The following FBXL2 variants were observed in gnomAD, a reference collection of about 807,000 sequenced individuals.
FBXL2 encodes F-box and leucine rich repeat protein 2, also known as F-box/LRR-repeat protein 2.
In FBXL2, 38 loss-of-function variants were observed where a neutral mutation model predicts 69.2. The observed-to-expected ratio is 0.55, with a 90% confidence interval of 0.42 to 0.72. FBXL2 has a LOEUF of 0.72. Among genes scored for constraint, FBXL2 ranks in the 30% least tolerant of loss-of-function variants. The probability of loss-of-function intolerance (pLI) is 0.00; values close to 1 mark genes in which losing one functional copy is unlikely to be tolerated. For synonymous variants in FBXL2, 192 were observed against 201.3 expected (o/e 0.95, Z 0.39); for missense variants, 354 against 520.3 (o/e 0.68, Z 3.11).
chr3:33,283,700 C>T (rs1344423391), intron 1 of FBXL2, among the ~76,000 whole-genome samples: 1 of 152,044 alleles, frequency 6.6e-6, no homozygotes, highest in African/African-American at 2.4e-5. Flanking sequence ...GGTTGGTAGG[C>T]TATTAATTAT....
At chr3:33,358,569 C>T (rs1442320520) in intron 2 of FBXL2, among the ~76,000 whole-genome samples, 5 of 152,288 alleles carry the variant, frequency 3.3e-5, no homozygotes, top group Non-Finnish European at 7.4e-5. Flanking sequence ...ACCAAATGGG[C>T]TTTGTCATCA....
chr3:33,336,544 T>C (rs1187554949), intron 2 of FBXL2, among the ~76,000 whole-genome samples: 2 of 152,188 alleles, frequency 1.3e-5, no homozygotes, highest in Non-Finnish European at 2.9e-5. Context: ...TTCGTCAACA[T>C]GACATACTGT....
At chr3:33,379,704 A>AC (rs2042900406) in intron 13 of FBXL2, among the ~76,000 whole-genome samples, 1 of 152,048 alleles carries the variant, frequency 6.6e-6, no homozygotes, top group Non-Finnish European at 1.5e-5. Flanking sequence ...AAAACAAAAA[A>AC]AAACACTACA....
At chr3:33,321,699 T>G (rs1040639706) in intron 2 of FBXL2, among the ~76,000 whole-genome samples, 1 of 152,196 alleles carries the variant, frequency 6.6e-6, no homozygotes, top group African/African-American at 2.4e-5. Context: ...CTATTGCATA[T>G]CTAGGCTGTA....
At chr3:33,400,441 T>G (rs2044180501) in intron 12 of FBXL2, among the ~76,000 whole-genome samples, 1 of 152,060 alleles carries the variant, frequency 6.6e-6, no homozygotes, top group Admixed American at 6.6e-5. Context: ...GTCAGAAACT[T>G]AAACATGATA....
the FBXL2 span, among the ~76,000 whole-genome samples, chr3:33,413,475 A>T: frequency 6.8e-6 from 1 of 146,192 alleles, no homozygotes; most frequent in Non-Finnish European, 1.5e-5. Context: ...TGAACCCGGG[A>T]GGCAGAGCTT....
the FBXL2 span, among the ~76,000 whole-genome samples, chr3:33,418,230 A>G: frequency 6.6e-6 from 1 of 152,212 alleles, no homozygotes. Context: ...GCTGATTATC[A>G]GATCAATAAG....
intron 2 of FBXL2, among the ~76,000 whole-genome samples, chr3:33,358,486 G>A (rs2041376501): frequency 6.6e-6 from 1 of 152,096 alleles, no homozygotes; most frequent in Non-Finnish European, 1.5e-5. Flanking sequence ...CTTTTGCTTA[G>A]GAAAAACTGA....
chr3:33,386,332 G>C lies in FBXL2; in HGVS notation c.*724G>C, dbSNP rs752062872. On this transcript the variant is annotated 3_prime_UTR_variant, in exon 15 of 15. Coordinates refer to ENST00000484457, the MANE Select transcript of FBXL2 (RefSeq NM_012157.5). ...AGTAGAAGCTCTGGTGTATGCTACA[G>C]CACATAACACATTTTTACTAAAGGA... 4 of 152,424 alleles carry C rather than the reference G, an allele frequency of 2.6e-5. No individual in the cohort carries two copies. The highest frequency in any genetic ancestry group is 5.9e-5 in the Non-Finnish European group (4 of 68,056). 9.4% of individuals were successfully genotyped at this position (152,424 alleles called of 1,614,324 possible).
intron 10 of FBXL2, 101 bp from the exon 11 acceptor site, chr3:33,377,172 T>C: frequency 8.7e-7 from 1 of 1,144,824 alleles, no homozygotes; most frequent in Non-Finnish European, 1.3e-6. Flanking sequence ...GGCAAAAGCA[T>C]GTCAAAGAGC....
intron 2 of FBXL2, among the ~76,000 whole-genome samples, chr3:33,312,572 C>T (rs1440460360): frequency 1.3e-5 from 2 of 152,140 alleles, no homozygotes; most frequent in Non-Finnish European, 2.9e-5. Flanking sequence ...TCAGCCCATC[C>T]GGAGATTCTG....
chr3:33,328,424 A>G (rs1337891398), intron 2 of FBXL2, among the ~76,000 whole-genome samples: 1 of 152,228 alleles, frequency 6.6e-6, no homozygotes, highest in Non-Finnish European at 1.5e-5. Flanking sequence ...AACTGGAGGC[A>G]TTACACTACC....
downstream of FBXL2, chr3:33,388,411 T>G (rs537951399): frequency 3.3e-5 from 5 of 152,726 alleles, no homozygotes; most frequent in African/African-American, 1.2e-4. Context: ...AGTAACAAAT[T>G]TGCTGGTGCC....
At chr3:33,316,240 T>G (rs2037677893) in intron 2 of FBXL2, among the ~76,000 whole-genome samples, 1 of 152,028 alleles carries the variant, frequency 6.6e-6, no homozygotes, top group Admixed American at 6.6e-5. Flanking sequence ...GTGTTTTTAG[T>G]AGAGATGGGG....
chr3:33,393,328 ATG>A, intron 12 of FBXL2: 1 of 1,607,282 alleles, frequency 6.2e-7, no homozygotes, highest in Non-Finnish European at 8.5e-7. Context: ...ACTAACAAGA[ATG>A]TGAATACCGG....
chr3:33,310,969 G>A (rs2037139167), intron 2 of FBXL2, among the ~76,000 whole-genome samples: 3 of 151,910 alleles, frequency 2.0e-5, no homozygotes, highest in Admixed American at 1.3e-4. Context: ...TAGAGACAGG[G>A]TTTCACCATG....
At chr3:33,368,951 A>G (rs2042121428) in intron 5 of FBXL2, among the ~76,000 whole-genome samples, 1 of 151,870 alleles carries the variant, frequency 6.6e-6, no homozygotes, top group Admixed American at 6.6e-5. Flanking sequence ...ATTTGCATTT[A>G]ATGTGATTAT....
At chr3:33,421,248 C>T in the FBXL2 span, among the ~76,000 whole-genome samples, 2 of 148,956 alleles carry the variant, frequency 1.3e-5, no homozygotes, top group Non-Finnish European at 3.0e-5. Context: ...AACTCCTCTT[C>T]TTATTCAGGC....
chr3:33,369,557 T>C (rs920036397), intron 5 of FBXL2, among the ~76,000 whole-genome samples: 11 of 152,164 alleles, frequency 7.2e-5, no homozygotes, highest in African/African-American at 2.7e-4. Context: ...AACTTCATAA[T>C]AGATTTAGTA....
Sources: gnomAD v4.1 joint callset for allele counts (sites outside exome capture counted in the v4.1 genomes callset) on GRCh38, gnomAD v4.1.1 for gene constraint, MANE v1.5 for transcripts, NCBI Gene and HGNC (gene_info 2026-07-23, HGNC 2026-07-21) for gene names.